SAMD3: variants seen among roughly 807,000 people sequenced by gnomAD.
SAMD3 encodes sterile alpha motif domain containing 3.
Under a neutral mutation model 58.5 loss-of-function variants are expected in SAMD3, and 63 were observed. The ratio of observed to expected loss-of-function variants is 1.08; its 90% confidence interval spans 0.88 to 1.33. The LOEUF (loss-of-function observed/expected upper bound fraction) is 1.33, where lower values mean the gene tolerates loss of function less well. Among genes scored for constraint, SAMD3 ranks in the 40% most tolerant of loss-of-function variants. The pLI, the probability that SAMD3 is intolerant of heterozygous loss-of-function variation, is 0.00. For synonymous variants in SAMD3, 220 were observed against 210.3 expected, an observed-to-expected ratio of 1.05 and a Z score of -0.40; for missense variants, 604 against 608.4, an observed-to-expected ratio of 0.99 and a Z score of 0.08.
At position 130,352,908 on chromosome 6, in the gene SAMD3, A is replaced by T. The variant is rs138461322; in HGVS notation, c.-304+12212T>A. 3.4e-3 allele frequency among the ~76,000 whole-genome samples: 523 copies of T among 152,338 alleles called. 6 individuals are homozygous for T. The highest frequency in any genetic ancestry group is 0.012 in the African/African-American group (499 of 41,580). On this transcript the variant is annotated intron_variant, in intron 1 of 13. Transcript: ENST00000368134. ...AATTTTTGGTTTTACCTAATTAATA[A>T]TTGTTTAAAACCAAAATATTGGAAG...
At chr6:130,335,515 T>A (rs1777071570) in intron 1 of SAMD3, among the ~76,000 whole-genome samples, 1 of 152,210 alleles carries the variant, frequency 6.6e-6, no homozygotes, top group East Asian at 1.9e-4. Context: ...ATCAACATGA[T>A]CAAAGCTGGG....
intron 8 of SAMD3, among the ~76,000 whole-genome samples, chr6:130,156,164 C>A (rs867381928): frequency 1.6e-4 from 25 of 152,100 alleles, no homozygotes; most frequent in Middle Eastern, 3.4e-3. Flanking sequence ...CATAGCGAAA[C>A]CCCACCTCTA....
chr6:130,334,073 C>T (rs1777027560), intron 1 of SAMD3, among the ~76,000 whole-genome samples: 1 of 152,214 alleles, frequency 6.6e-6, no homozygotes, highest in African/African-American at 2.4e-5. Context: ...TCTCCTTCCT[C>T]ATCCCCTGGC....
At chr6:130,219,529 C>T (rs1375682439) in intron 1 of SAMD3, among the ~76,000 whole-genome samples, 2 of 152,102 alleles carry the variant, frequency 1.3e-5, no homozygotes, top group Non-Finnish European at 2.9e-5. Flanking sequence ...TGTGTCATTC[C>T]TATGCCTTTT....
chr6:130,151,463 C>T (rs995154413), intron 9 of SAMD3, among the ~76,000 whole-genome samples: 7 of 151,982 alleles, frequency 4.6e-5, no homozygotes, highest in Non-Finnish European at 2.9e-5. Context: ...ATTTTTAACA[C>T]GGAGTTTCAC....
intron 2 of SAMD3, among the ~76,000 whole-genome samples, chr6:130,254,669 T>C (rs943310714): frequency 1.3e-5 from 2 of 152,142 alleles, no homozygotes; most frequent in African/African-American, 4.8e-5. Flanking sequence ...TTCCTCCTTA[T>C]ACATAACTGG....
intron 9 of SAMD3, among the ~76,000 whole-genome samples, chr6:130,146,407 T>G (rs1402797261): frequency 6.6e-6 from 1 of 152,112 alleles, no homozygotes; most frequent in African/African-American, 2.4e-5. Flanking sequence ...GGCAAATTTC[T>G]AAACCTACAG....
chr6:130,224,632 T>TC, upstream of SAMD3, among the ~76,000 whole-genome samples: 1 of 145,200 alleles, frequency 6.9e-6, no homozygotes, highest in African/African-American at 2.6e-5. Context: ...ATTATTATTA[T>TC]TTTTGAGATG....
chr6:130,154,868 T>G lies in SAMD3; in HGVS notation c.980A>C (p.Lys327Thr). 1 of 1,613,312 alleles carries G rather than the reference T, an allele frequency of 6.2e-7. No homozygotes were observed. The highest frequency in any genetic ancestry group is 8.5e-7 in the Non-Finnish European group (1 of 1,179,760). Reference protein sequence around the residue: ...RKMIGSRTPLKDILKLFPFLK... With the variant: ...RKMIGSRTPLTDILKLFPFLK... ...GAAAGGAAACAGTTTAAGAATGTCC[T>G]TCAGAGGTGTTCGGCTGCCAATCAT... The change falls in exon 9 of 12, where the codon AAG becomes ACG. Residue 327 changes from lysine to threonine, a missense_variant. Coordinates refer to ENST00000439090, the MANE Select transcript of SAMD3 (RefSeq NM_001017373.4).
chr6:130,300,669 G>A (rs1583069909), intron 2 of SAMD3, among the ~76,000 whole-genome samples: 1 of 152,166 alleles, frequency 6.6e-6, no homozygotes, highest in South Asian at 2.1e-4. Flanking sequence ...ATCCACATAG[G>A]AAAAGAGAAA....
At chr6:130,283,438 A>G (rs1337431120) in intron 2 of SAMD3, among the ~76,000 whole-genome samples, 1 of 152,202 alleles carries the variant, frequency 6.6e-6, no homozygotes, top group Non-Finnish European at 1.5e-5. Flanking sequence ...TAAATCACAC[A>G]TAGAGCCTTA....
intron 9 of SAMD3, among the ~76,000 whole-genome samples, chr6:130,146,814 AAC>A (rs1203900397): frequency 1.3e-5 from 2 of 151,886 alleles, no homozygotes; most frequent in Non-Finnish European, 2.9e-5. Context: ...GTCTCTACAA[AAC>A]ACAAAAATTA....
intron 1 of SAMD3, among the ~76,000 whole-genome samples, chr6:130,329,854 G>A (rs751484290): frequency 6.9e-5 from 10 of 145,806 alleles, no homozygotes; most frequent in Non-Finnish European, 1.4e-4. Flanking sequence ...TTATAAGAGG[G>A]AGTTGAACAA....
chr6:130,148,344 G>A (rs140793725), intron 9 of SAMD3, among the ~76,000 whole-genome samples: 48 of 152,144 alleles, frequency 3.2e-4, no homozygotes, highest in African/African-American at 8.0e-4. Flanking sequence ...AGAATTGCTC[G>A]AATTGCCCAG....
At chr6:130,245,527 T>C (rs1773511596) in intron 2 of SAMD3, among the ~76,000 whole-genome samples, 1 of 152,192 alleles carries the variant, frequency 6.6e-6, no homozygotes, top group African/African-American at 2.4e-5. Context: ...TGGAGGTCAC[T>C]GGCACCTGCC....
intron 1 of SAMD3, among the ~76,000 whole-genome samples, chr6:130,348,294 A>G (rs1777525741): frequency 6.6e-6 from 1 of 152,228 alleles, no homozygotes; most frequent in Admixed American, 6.5e-5. Flanking sequence ...AATTGGATAA[A>G]GAGTCATGAC....
At chr6:130,316,912 A>G (rs1776395216) in intron 1 of SAMD3, among the ~76,000 whole-genome samples, 1 of 152,206 alleles carries the variant, frequency 6.6e-6, no homozygotes, top group Non-Finnish European at 1.5e-5. Context: ...GTAAACCTGT[A>G]TTATTATCAT....
intron 2 of SAMD3, among the ~76,000 whole-genome samples, chr6:130,296,815 G>C (rs1032464661): frequency 6.6e-6 from 1 of 152,124 alleles, no homozygotes; most frequent in African/African-American, 2.4e-5. Context: ...GCCACACTGT[G>C]GTGGGGAACC....
intron 1 of SAMD3, among the ~76,000 whole-genome samples, chr6:130,350,542 A>T (rs1250700569): frequency 6.6e-6 from 1 of 152,190 alleles, no homozygotes; most frequent in African/African-American, 2.4e-5. Context: ...TTCAAGGAGA[A>T]CTACAAACCA....
Sources: allele counts gnomAD v4.1 joint callset (sites outside exome capture counted in the v4.1 genomes callset), GRCh38; gene constraint gnomAD v4.1.1; transcripts MANE v1.5; gene names NCBI Gene and HGNC (gene_info 2026-07-23, HGNC 2026-07-21).